The following HFM1 variants were observed in gnomAD, a reference collection of about 807,000 sequenced individuals.
The protein encoded by HFM1 is probable ATP-dependent DNA helicase HFM1.
HFM1 carries 169 observed loss-of-function variants against 192.1 expected under a neutral mutation model. The ratio of observed to expected loss-of-function variants is 0.88; its 90% CI spans 0.78 to 1.00. The LOEUF is 1.00. Among genes scored for constraint, HFM1 ranks in the 50% least tolerant of loss-of-function variants. The pLI, the probability that HFM1 is intolerant of heterozygous loss-of-function variation, is 0.00. For synonymous variants in HFM1, 525 were observed against 537.8 expected, an observed-to-expected ratio of 0.98 and a Z score of 0.33; for missense variants, 1,661 against 1,668.0, an observed-to-expected ratio of 1.00 and a Z score of 0.07.
At chr1:91,277,679 T>C (rs1171279625) in intron 30 of HFM1, among the ~76,000 whole-genome samples, 1 of 131,054 alleles carries the variant, frequency 7.6e-6, no homozygotes, top group East Asian at 2.0e-4. Flanking sequence ...ATATACACTA[T>C]ATATAATATA....
intron 20 of HFM1, chr1:91,329,217 C>T (rs1403545641): frequency 6.2e-7 from 1 of 1,609,444 alleles, no homozygotes; most frequent in African/African-American, 1.3e-5. Flanking sequence ...GGAGGCTTAC[C>T]AGCTCTTCTT....
At position 91,266,078 on chromosome 1, in the gene HFM1, T is replaced by C; in HGVS notation, c.3913A>G (p.Arg1305Gly). 1.3e-6 allele frequency: 2 copies of C among 1,587,138 alleles called. No individual in the cohort carries two copies. The highest frequency in any genetic ancestry group is 1.7e-6 in the Non-Finnish European group (2 of 1,172,760). The part of the protein sequence containing the change: ...GFGNTLSSST[R>G]GSKLPLQESK... ...TCTTGAAGGGGTAGCTTACTTCCCC[T>C]GGTACTTGAACTCAAAGTGTTTCCA... is the stretch of plus-strand genomic sequence containing the variant. Residue 1305 changes from arginine to glycine, a missense_variant, in exon 36 of 39, where the codon AGG becomes GGG. Arg to Gly is a moderately radical substitution (Grantham distance 125). Transcript: ENST00000370425.
At chr1:91,398,071 C>T (rs938463607) in intron 2 of HFM1, among the ~76,000 whole-genome samples, 3 of 152,196 alleles carry the variant, frequency 2.0e-5, no homozygotes, top group African/African-American at 7.2e-5. Context: ...TGGAAGGGAT[C>T]TTCCTGAAAT....
intron 30 of HFM1, among the ~76,000 whole-genome samples, chr1:91,308,889 T>C (rs1650030631): frequency 6.6e-6 from 1 of 152,198 alleles, no homozygotes; most frequent in Admixed American, 6.5e-5. Context: ...TTACAGGGCA[T>C]GGTCTACCTA....
chr1:91,323,115 C>A lies in HFM1; in HGVS notation c.2512G>T (p.Asp838Tyr). The A allele has an allele frequency of 6.4e-7, 1 of 1,571,978 alleles. No homozygotes were observed. ...TACCTGATAGTTATCCGATTTGGAT[C>A]TTTGTTCAAAGTATTCAGTGTTTTC... ...EKKTLNTLNK[D>Y]PNRITIRFPM... The change falls in exon 22 of 39, where the codon GAT (aspartate) becomes TAT (tyrosine). Residue 838 changes from aspartate (D) to tyrosine (Y), a missense_variant. Transcript: ENST00000370425.
chr1:91,343,363 A>G, intron 20 of HFM1, 67 bp downstream of exon 20: 2 of 770,026 alleles, frequency 2.6e-6, no homozygotes, highest in East Asian at 2.9e-5. Flanking sequence ...AAATTTTAGT[A>G]AAACAAAATT....
intron 13 of HFM1, among the ~76,000 whole-genome samples, chr1:91,365,890 A>G (rs1659233523): frequency 6.6e-6 from 1 of 151,960 alleles, no homozygotes; most frequent in South Asian, 2.1e-4. Context: ...AAGTTAAGTA[A>G]TATGTCCAAT....
At chr1:91,312,341 G>C (rs1441778386) in intron 30 of HFM1, among the ~76,000 whole-genome samples, 1 of 152,118 alleles carries the variant, frequency 6.6e-6, no homozygotes, top group East Asian at 1.9e-4. Context: ...CCAGTAGGGA[G>C]GCTGTGCCCT....
At chr1:91,335,625 A>T (rs1188884835) in intron 20 of HFM1, among the ~76,000 whole-genome samples, 3 of 152,218 alleles carry the variant, frequency 2.0e-5, no homozygotes, top group African/African-American at 7.2e-5. Flanking sequence ...AATTCAGGAT[A>T]TTTCAAAGAT....
intron 30 of HFM1, among the ~76,000 whole-genome samples, chr1:91,295,001 G>GT (rs1256956159): frequency 6.6e-6 from 1 of 152,120 alleles, no homozygotes; most frequent in Non-Finnish European, 1.5e-5. Flanking sequence ...ATTAAGAGTA[G>GT]TAGTTGTTAT....
chr1:91,393,169 T>A lies in HFM1; in HGVS notation c.494+924A>T, dbSNP rs528080444. 5.9e-5 allele frequency among the ~76,000 whole-genome samples: 9 copies of A among 152,322 alleles called. No homozygotes were observed. The South Asian group carries it at 1.9e-3, about 32-fold the overall frequency. ...AAACATTATAGAAATCAACCTCAGCTGGACCCTTTACAGTGTCCATCAGTC... is the reference window on the plus strand; with the variant it reads ...AAACATTATAGAAATCAACCTCAGCAGGACCCTTTACAGTGTCCATCAGTC... On this transcript the variant is annotated intron_variant, in intron 4 of 38. Transcript: ENST00000370425.
intron 30 of HFM1, among the ~76,000 whole-genome samples, chr1:91,277,506 GGTGTGTGTGT>G (rs67268923): frequency 7.5e-6 from 1 of 134,096 alleles, no homozygotes; most frequent in Non-Finnish European, 1.5e-5. Context: ...CTCCCTGGTG[GGTGTGTGTGT>G]GTGTGTGTGT....
intron 13 of HFM1, among the ~76,000 whole-genome samples, chr1:91,357,350 C>T (rs917434150): frequency 1.3e-5 from 2 of 152,010 alleles, no homozygotes; most frequent in East Asian, 3.9e-4. Context: ...AGATAAAAAA[C>T]ACAAGACCAT....
intron 20 of HFM1, chr1:91,329,353 A>G: frequency 6.2e-7 from 1 of 1,601,178 alleles, no homozygotes; most frequent in Admixed American, 1.7e-5. Flanking sequence ...AGTGGGGTCA[A>G]GAGGCTGAGT....
At chr1:91,282,877 C>T (rs1667589674) in intron 30 of HFM1, among the ~76,000 whole-genome samples, 1 of 152,166 alleles carries the variant, frequency 6.6e-6, no homozygotes, top group Admixed American at 6.5e-5. Context: ...TGTCTAAACG[C>T]TGCCACAAGG....
At chr1:91,328,796 G>C (rs1220484840) in intron 20 of HFM1, 10 of 1,611,066 alleles carry the variant, frequency 6.2e-6, no homozygotes, top group Non-Finnish European at 4.2e-6. Flanking sequence ...GCAGCACAAC[G>C]ATAAGTGCAA....
intron 4 of HFM1, among the ~76,000 whole-genome samples, chr1:91,393,364 A>G (rs1663240276): frequency 6.6e-6 from 1 of 152,196 alleles, no homozygotes; most frequent in Non-Finnish European, 1.5e-5. Context: ...TTGAATCCAC[A>G]TACCCAACTG....
chr1:91,372,331 AC>A, intron 13 of HFM1, among the ~76,000 whole-genome samples: 1 of 152,318 alleles, frequency 6.6e-6, no homozygotes, highest in East Asian at 1.9e-4. Flanking sequence ...AAGACTTGGA[AC>A]CAACCCAAAT....
At chr1:91,350,409 C>T (rs764021029) in intron 18 of HFM1, among the ~76,000 whole-genome samples, 3 of 152,036 alleles carry the variant, frequency 2.0e-5, no homozygotes, top group Non-Finnish European at 4.4e-5. Context: ...TAGCTGAACA[C>T]TAAGTACAGA....
Sources: allele counts gnomAD v4.1 joint callset (sites outside exome capture counted in the v4.1 genomes callset), GRCh38; gene constraint gnomAD v4.1.1; transcripts MANE v1.5; gene names NCBI Gene and HGNC (gene_info 2026-07-23, HGNC 2026-07-21).